SLCO6A1: variants seen among roughly 807,000 people sequenced by gnomAD.
SLCO6A1 encodes solute carrier organic anion transporter family member 6A1.
In SLCO6A1, 65 loss-of-function variants were observed where a neutral mutation model predicts 72.7. That is an observed-to-expected ratio of 0.89 (90% CI 0.73 to 1.10). SLCO6A1 has a LOEUF of 1.10. Ranked by LOEUF, SLCO6A1 falls within the 50% of genes least tolerant of loss-of-function variation. The probability of loss-of-function intolerance (pLI) is 0.00; values close to 1 mark genes in which losing one functional copy is unlikely to be tolerated. For synonymous variants in SLCO6A1, 314 were observed against 298.2 expected, an observed-to-expected ratio of 1.05 and a Z score of -0.55; for missense variants, 874 against 872.6, an observed-to-expected ratio of 1.00 and a Z score of -0.02.
intron 12 of SLCO6A1, 99 bp from the exon 13 acceptor site, chr5:102,373,593 C>G: frequency 1.2e-6 from 1 of 800,198 alleles, no homozygotes; most frequent in Non-Finnish European, 1.7e-6. Context: ...CATATTTCAC[C>G]TATAAAGGTA....
chr5:102,469,087 GTAGCGTGA>G (rs1345522143), intron 4 of SLCO6A1, among the ~76,000 whole-genome samples: 1 of 151,876 alleles, frequency 6.6e-6, no homozygotes, highest in Non-Finnish European at 1.5e-5. Context: ...TTGAAGTCAG[GTAGCGTGA>G]TGCCTCCAGC....
intron 9 of SLCO6A1, among the ~76,000 whole-genome samples, 194 bp from the exon 10 acceptor site, chr5:102,399,936 C>CA (rs1491187909): frequency 1.8e-5 from 2 of 110,956 alleles, no homozygotes; most frequent in South Asian, 2.9e-4. Flanking sequence ...TTTTACATGG[C>CA]AAAAAATCTG....
At chr5:102,434,515 T>C (rs1403204619) in intron 7 of SLCO6A1, among the ~76,000 whole-genome samples, 1 of 152,246 alleles carries the variant, frequency 6.6e-6, no homozygotes, top group Non-Finnish European at 1.5e-5. Flanking sequence ...TCATAAACTT[T>C]ATTTCATCTC....
At chr5:102,462,160 T>G (rs1431154397) in intron 4 of SLCO6A1, among the ~76,000 whole-genome samples, 3 of 152,030 alleles carry the variant, frequency 2.0e-5, no homozygotes, top group African/African-American at 7.2e-5. Context: ...GTAAAAATAC[T>G]TAGGAACATA....
intron 7 of SLCO6A1, among the ~76,000 whole-genome samples, chr5:102,433,010 TC>T (rs1338326655): frequency 2.0e-5 from 3 of 152,254 alleles, no homozygotes; most frequent in African/African-American, 7.2e-5. Flanking sequence ...CTGTCTTGTT[TC>T]AGAAACCCAA....
At chr5:102,389,456 C>CACA (rs1554065638) in intron 11 of SLCO6A1, among the ~76,000 whole-genome samples, 22 of 81,964 alleles carry the variant, frequency 2.7e-4, no homozygotes, top group Admixed American at 8.9e-4. Flanking sequence ...CCCCCCACCC[C>CACA]CACACACACA....
At chr5:102,415,140 G>A (rs1323785352) in intron 8 of SLCO6A1, among the ~76,000 whole-genome samples, 1 of 151,970 alleles carries the variant, frequency 6.6e-6, no homozygotes, top group African/African-American at 2.4e-5. Context: ...ACTGCCCAAA[G>A]CAATCTACAT....
chr5:102,433,856 G>GA (rs977331725), intron 7 of SLCO6A1, among the ~76,000 whole-genome samples: 12 of 151,840 alleles, frequency 7.9e-5, no homozygotes, highest in Non-Finnish European at 1.6e-4. Flanking sequence ...TTTTTTGAAG[G>GA]AAAAAAGACA....
intron 6 of SLCO6A1, among the ~76,000 whole-genome samples, chr5:102,457,282 C>G (rs1391857081): frequency 1.8e-4 from 15 of 83,600 alleles, no homozygotes; most frequent in Non-Finnish European, 3.2e-4. Context: ...AGCTTCTCCA[C>G]AGCAAAAGAA....
At chr5:102,488,333 T>C (rs112942259) in intron 1 of SLCO6A1, among the ~76,000 whole-genome samples, 2,610 of 152,306 alleles carry the variant, frequency 0.017, 35 homozygotes, top group African/African-American at 0.033. Flanking sequence ...AGTAAAATCA[T>C]AGAAAATAGC....
chr5:102,482,564 C>T (rs998864948), intron 1 of SLCO6A1, among the ~76,000 whole-genome samples: 4 of 152,140 alleles, frequency 2.6e-5, no homozygotes, highest in South Asian at 2.1e-4. Flanking sequence ...TCTACTACCA[C>T]GAGTCTTATC....
At chr5:102,411,034 T>A (rs982390830) in intron 9 of SLCO6A1, among the ~76,000 whole-genome samples, 2 of 152,144 alleles carry the variant, frequency 1.3e-5, no homozygotes, top group African/African-American at 4.8e-5. Flanking sequence ...CGTCAATCTC[T>A]AGGTGTGGAA....
At chr5:102,416,097 C>T (rs1268014545) in intron 8 of SLCO6A1, among the ~76,000 whole-genome samples, 1 of 151,964 alleles carries the variant, frequency 6.6e-6, no homozygotes, top group Non-Finnish European at 1.5e-5. Flanking sequence ...AATGCTTCTA[C>T]ACGGTTGGTG....
chr5:102,400,177 A>G (rs1462825714), intron 9 of SLCO6A1, among the ~76,000 whole-genome samples: 1 of 152,022 alleles, frequency 6.6e-6, no homozygotes, highest in Admixed American at 6.6e-5. Context: ...TTTATTTTGT[A>G]TGTAATAATG....
At position 102,388,775 on chromosome 5, in the gene SLCO6A1, T is replaced by C. The variant is rs1475175687; in HGVS notation, c.1930A>G (p.Ile644Val). The change falls in exon 12 of 14, where the codon ATT becomes GTT. Residue 644 changes from isoleucine to valine, a missense_variant. Physicochemically the swap from Ile to Val is conservative, Grantham distance 29. Transcript: ENST00000506729. ...CCACATTTATTAACATCCCGTAAAATACAAGAAGTTTCTCCTGACATTTTA... is the reference window on the plus strand; with the variant it reads ...CCACATTTATTAACATCCCGTAAAACACAAGAAGTTTCTCCTGACATTTTA... ...IFKMSGETSCILRDVNKCGHT... is the reference protein window; with the variant it reads ...IFKMSGETSCVLRDVNKCGHT... 1.7e-5 allele frequency: 28 copies of C among 1,608,452 alleles called. No homozygotes were observed. Among genetic ancestry groups the C allele is most frequent in the Non-Finnish European group, 2.2e-5 (26 of 1,178,246 alleles).
intron 1 of SLCO6A1, among the ~76,000 whole-genome samples, chr5:102,486,029 C>G (rs555701397): frequency 3.3e-5 from 5 of 152,310 alleles, no homozygotes; most frequent in South Asian, 2.1e-4. Context: ...ATATTTCATT[C>G]AGAGAATATT....
chr5:102,465,780 G>A (rs1751279739), intron 4 of SLCO6A1, among the ~76,000 whole-genome samples: 1 of 152,020 alleles, frequency 6.6e-6, no homozygotes, highest in South Asian at 2.1e-4. Context: ...TACTTCACCT[G>A]GTGAGGTGAC....
At chr5:102,420,729 T>C (rs1490955362) in intron 7 of SLCO6A1, among the ~76,000 whole-genome samples, 1 of 151,768 alleles carries the variant, frequency 6.6e-6, no homozygotes, top group Non-Finnish European at 1.5e-5. Flanking sequence ...AAGAAAAACA[T>C]AGGATAAAAA....
intron 12 of SLCO6A1, among the ~76,000 whole-genome samples, chr5:102,381,093 T>C (rs10063988): frequency 0.65 from 98,077 of 151,558 alleles, 31,943 homozygotes; most frequent in African/African-American, 0.67. Flanking sequence ...GGGGTGAGAA[T>C]ACTTAAGTTC....
Sources: allele counts gnomAD v4.1 joint callset (sites outside exome capture counted in the v4.1 genomes callset), GRCh38; gene constraint gnomAD v4.1.1; transcripts MANE v1.5; gene names NCBI Gene and HGNC (gene_info 2026-07-23, HGNC 2026-07-21).